Variants in GXYLT2 observed in about 807,000 individuals in gnomAD.
GXYLT2 encodes the protein glucoside xylosyltransferase 2.
Under a neutral mutation model 45.8 loss-of-function variants are expected in GXYLT2, and 53 were observed. The observed-to-expected ratio is 1.16, with a 90% CI of 0.93 to 1.46. The LOEUF (loss-of-function observed/expected upper bound fraction) is 1.46, where lower values mean the gene tolerates loss of function less well. GXYLT2 is among the 40% of genes most tolerant of loss of function. The pLI, the probability that GXYLT2 is intolerant of heterozygous loss-of-function variation, is 0.00. For synonymous variants in GXYLT2, 219 were observed against 214.2 expected (o/e 1.02, Z -0.19); for missense variants, 551 against 544.4 (o/e 1.01, Z -0.12).
At chr3:72,966,994 C>T (rs1710878548) in intron 5 of GXYLT2, among the ~76,000 whole-genome samples, 1 of 152,162 alleles carries the variant, frequency 6.6e-6, no homozygotes, top group East Asian at 1.9e-4. Context: ...TTCTCAAACT[C>T]CTGACCTCAA....
At chr3:72,917,636 G>A (rs1709765064) in intron 2 of GXYLT2, among the ~76,000 whole-genome samples, 1 of 151,604 alleles carries the variant, frequency 6.6e-6, no homozygotes, top group Non-Finnish European at 1.5e-5. Context: ...ATGCATGTGT[G>A]GTCCCAGCTA....
intron 2 of GXYLT2, among the ~76,000 whole-genome samples, chr3:72,911,301 C>T (rs767128408): frequency 1.3e-5 from 2 of 151,532 alleles, no homozygotes; most frequent in Non-Finnish European, 2.9e-5. Context: ...AAAAAAATAA[C>T]GAAAGGGAAG....
At chr3:72,968,443 G>A (rs570976714) in intron 6 of GXYLT2, among the ~76,000 whole-genome samples, 1 of 152,226 alleles carries the variant, frequency 6.6e-6, no homozygotes, top group Non-Finnish European at 1.5e-5. Flanking sequence ...AAGGTGTTCA[G>A]TTACAACAAG....
At chr3:72,894,761 A>C (rs1449373905) in intron 1 of GXYLT2, among the ~76,000 whole-genome samples, 3 of 152,208 alleles carry the variant, frequency 2.0e-5, no homozygotes, top group Non-Finnish European at 4.4e-5. Flanking sequence ...GAGGTTGTTG[A>C]GGGGAGGATG....
At chr3:72,972,228 T>A (rs1710999039) in intron 6 of GXYLT2, among the ~76,000 whole-genome samples, 1 of 152,162 alleles carries the variant, frequency 6.6e-6, no homozygotes, top group Non-Finnish European at 1.5e-5. Flanking sequence ...GCATCTATCA[T>A]ATAGACATTT....
intron 3 of GXYLT2, among the ~76,000 whole-genome samples, chr3:72,943,340 T>A (rs1037974018): frequency 2.6e-5 from 4 of 151,162 alleles, no homozygotes; most frequent in African/African-American, 9.7e-5. Context: ...TTATTTTAAC[T>A]GAAAAAATGC....
intron 3 of GXYLT2, among the ~76,000 whole-genome samples, chr3:72,937,711 T>C (rs1710218268): frequency 6.6e-6 from 1 of 152,206 alleles, no homozygotes; most frequent in Non-Finnish European, 1.5e-5. Flanking sequence ...TCCTAAAGTG[T>C]TCCCAAAATA....
chr3:72,968,911 A>T (rs559271723), intron 6 of GXYLT2, among the ~76,000 whole-genome samples: 1 of 152,176 alleles, frequency 6.6e-6, no homozygotes, highest in East Asian at 1.9e-4. Flanking sequence ...ACAAAAAAAA[A>T]ATTTTTTTTT....
chr3:72,904,751 C>T (rs904009113), intron 1 of GXYLT2, among the ~76,000 whole-genome samples: 12 of 151,196 alleles, frequency 7.9e-5, no homozygotes, highest in African/African-American at 2.9e-4. Flanking sequence ...CAGAAATAAC[C>T]ACTATCCGGC....
intron 6 of GXYLT2, among the ~76,000 whole-genome samples, chr3:72,972,473 T>C (rs567272358): frequency 6.6e-6 from 1 of 151,652 alleles, no homozygotes; most frequent in South Asian, 2.1e-4. Context: ...AAACCCCATC[T>C]CTACTAAAAA....
chr3:72,894,429 T>G (rs1709244063), intron 1 of GXYLT2, among the ~76,000 whole-genome samples: 1 of 152,232 alleles, frequency 6.6e-6, no homozygotes, highest in Non-Finnish European at 1.5e-5. Flanking sequence ...TGCACTTGAC[T>G]TTATCAAAAC....
chr3:72,959,422 T>A (rs1710725192), intron 5 of GXYLT2, among the ~76,000 whole-genome samples: 1 of 151,020 alleles, frequency 6.6e-6, no homozygotes, highest in Admixed American at 6.6e-5. Flanking sequence ...CCAGCCAAAT[T>A]TTTTTAATTT....
chr3:72,942,031 A>T (rs187301557), intron 3 of GXYLT2, among the ~76,000 whole-genome samples: 194 of 152,246 alleles, frequency 1.3e-3, no homozygotes, highest in South Asian at 2.1e-3. Context: ...ATGCCCCTGG[A>T]GTTAACCTTA....
Position 72,952,270 on chromosome 3 carries a change from G to A in GXYLT2, c.601-2828G>A, listed in dbSNP as rs549923571. 7.9e-5 allele frequency among the ~76,000 whole-genome samples: 12 copies of A among 152,126 alleles called. 1 individual carries two copies. The South Asian group carries it at 1.5e-3, about 18-fold the overall frequency. On this transcript the variant is annotated intron_variant, in intron 3 of 6. Coordinates refer to ENST00000389617, the MANE Select transcript of GXYLT2 (RefSeq NM_001080393.2). ...TGCCTGCCTCAGCCTCCCAGGCACC[G>A]TGCCTGGCTTAGAATCTTCAAATTC...
intron 5 of GXYLT2, among the ~76,000 whole-genome samples, chr3:72,959,302 G>C: frequency 6.6e-6 from 1 of 151,380 alleles, no homozygotes; most frequent in Admixed American, 6.6e-5. Context: ...ATATTTAGTA[G>C]AGACAGTATT....
At chr3:72,973,727 A>G (rs1711040549) in intron 6 of GXYLT2, among the ~76,000 whole-genome samples, 1 of 152,142 alleles carries the variant, frequency 6.6e-6, no homozygotes, top group Non-Finnish European at 1.5e-5. Flanking sequence ...TGTGGGGGGA[A>G]AGAGAGGAAT....
chr3:72,946,827 G>A (rs1710420999), intron 3 of GXYLT2, among the ~76,000 whole-genome samples: 1 of 151,964 alleles, frequency 6.6e-6, no homozygotes, highest in South Asian at 2.1e-4. Flanking sequence ...CTTTAATTTT[G>A]TTTTTATTTG....
chr3:72,895,290 AC>A (rs1404206950), intron 1 of GXYLT2, among the ~76,000 whole-genome samples: 1 of 152,184 alleles, frequency 6.6e-6, no homozygotes, highest in Non-Finnish European at 1.5e-5. Flanking sequence ...AGCTCCCAAC[AC>A]TGTTCCCAAG....
At chr3:72,948,941 T>C (rs1256436296) in intron 3 of GXYLT2, among the ~76,000 whole-genome samples, 3 of 151,826 alleles carry the variant, frequency 2.0e-5, no homozygotes, top group Non-Finnish European at 2.9e-5. Flanking sequence ...TACAGAATTC[T>C]AGGAGAACTG....
Sources: allele counts gnomAD v4.1 joint callset (sites outside exome capture counted in the v4.1 genomes callset), GRCh38; gene constraint gnomAD v4.1.1; transcripts MANE v1.5; gene names NCBI Gene and HGNC (gene_info 2026-07-23, HGNC 2026-07-21).